The following RASAL2 variants were observed in gnomAD, a reference collection of about 807,000 sequenced individuals.
The protein encoded by RASAL2 is ras GTPase-activating protein nGAP.
Under a neutral mutation model 128.9 loss-of-function variants are expected in RASAL2, and 58 were observed. The ratio of observed to expected loss-of-function variants is 0.45; its 90% confidence interval spans 0.36 to 0.56. The LOEUF is 0.56. RASAL2 is among the 20% of genes least tolerant of loss of function. The pLI, the probability that RASAL2 is intolerant of heterozygous loss-of-function variation, is 0.00. For synonymous variants in RASAL2, 561 were observed against 580.8 expected, an observed-to-expected ratio of 0.97 and a Z score of 0.49; for missense variants, 1,360 against 1,601.6, an observed-to-expected ratio of 0.85 and a Z score of 2.57.
intron 3 of RASAL2, among the ~76,000 whole-genome samples, chr1:178,317,934 C>T (rs1250232059): frequency 1.3e-5 from 2 of 151,706 alleles, no homozygotes; most frequent in Non-Finnish European, 1.5e-5. Flanking sequence ...GCATTTATTG[C>T]TATAAATTTC....
rs536785721 is a variant in RASAL2 at position 178,181,698 on chromosome 1, G to C, written c.202+87004G>C. On this transcript the variant is annotated intron_variant, in intron 1 of 17. Transcript: ENST00000367649. ...TCTTGGCTGTGACAGTCTCTCAGGCGTTCTTTATTTTTTATGACCTTGACA... is the reference window on the plus strand; with the variant it reads ...TCTTGGCTGTGACAGTCTCTCAGGCCTTCTTTATTTTTTATGACCTTGACA... 9.2e-5 allele frequency among the ~76,000 whole-genome samples: 14 copies of C among 151,708 alleles called. 1 individual carries two copies. In the South Asian group the frequency reaches 2.7e-3, roughly 29 times the overall value.
At chr1:178,426,012 A>G (rs1675491862) in intron 5 of RASAL2, among the ~76,000 whole-genome samples, 1 of 152,286 alleles carries the variant, frequency 6.6e-6, no homozygotes, top group South Asian at 2.1e-4. Context: ...CTAGAAAGTC[A>G]GCAGCCAGAC....
chr1:178,404,743 G>A (rs1041723196), intron 4 of RASAL2, among the ~76,000 whole-genome samples: 3 of 144,222 alleles, frequency 2.1e-5, no homozygotes, highest in African/African-American at 7.8e-5. Context: ...GTACAGTGGC[G>A]CAACCTCAGC....
At chr1:178,260,686 A>G (rs1030212488) in intron 1 of RASAL2, among the ~76,000 whole-genome samples, 4 of 151,892 alleles carry the variant, frequency 2.6e-5, no homozygotes, top group African/African-American at 9.7e-5. Flanking sequence ...CTAAAATATC[A>G]AGAGTATTTT....
intron 3 of RASAL2, among the ~76,000 whole-genome samples, chr1:178,364,501 G>A (rs1671299128): frequency 6.6e-6 from 1 of 152,166 alleles, no homozygotes; most frequent in Admixed American, 6.5e-5. Flanking sequence ...GAGGTTAATA[G>A]CACCTCACGT....
chr1:178,444,233 C>T (rs1230299044), intron 8 of RASAL2, among the ~76,000 whole-genome samples: 2 of 152,156 alleles, frequency 1.3e-5, no homozygotes, highest in African/African-American at 2.4e-5. Context: ...TACTGATTTA[C>T]GTACATTTTA....
chr1:178,273,828 GTT>G (rs1181218417), intron 1 of RASAL2, among the ~76,000 whole-genome samples: 1 of 152,160 alleles, frequency 6.6e-6, no homozygotes, highest in Non-Finnish European at 1.5e-5. Context: ...TATTGTAGGT[GTT>G]TGTTTCCTAC....
chr1:178,110,637 C>CAT (rs1553250958), intron 1 of RASAL2, among the ~76,000 whole-genome samples: 294 of 15,648 alleles, frequency 0.019, 8 homozygotes, highest in African/African-American at 0.029. Flanking sequence ...ATAGTGTATA[C>CAT]ATATATATAT....
intron 1 of RASAL2, among the ~76,000 whole-genome samples, chr1:178,186,322 A>G (rs924789713): frequency 3.3e-5 from 5 of 151,812 alleles, no homozygotes; most frequent in African/African-American, 1.2e-4. Context: ...CTATTCAAAG[A>G]ACCAGCTTCT....
At chr1:178,434,961 C>T (rs1676159359) in intron 5 of RASAL2, among the ~76,000 whole-genome samples, 1 of 151,904 alleles carries the variant, frequency 6.6e-6, no homozygotes, top group South Asian at 2.1e-4. Context: ...TATAAACTTG[C>T]TGGTAGAGTA....
chr1:178,264,544 G>C lies in RASAL2; in HGVS notation c.203-19020G>C, dbSNP rs574432195. On this transcript the variant is annotated intron_variant, in intron 1 of 17. Transcript: ENST00000367649. The stretch of plus-strand genomic sequence containing the variant: ...GCTATAGTGGCTCTCAGAACTCAGG[G>C]AAACAGTATATAGTACTTACTATTA... Among the ~76,000 whole-genome samples, 249 of 152,230 alleles carry C rather than the reference G, an allele frequency of 1.6e-3. 2 individuals carry two copies. The highest frequency in any genetic ancestry group is 5.7e-3 in the African/African-American group (236 of 41,548).
intron 4 of RASAL2, among the ~76,000 whole-genome samples, chr1:178,398,709 C>CTTAAAAAATTTTCT (rs1557957715): frequency 6.6e-6 from 1 of 152,054 alleles, no homozygotes; most frequent in Non-Finnish European, 1.5e-5. Flanking sequence ...AAAAATTTTC[C>CTTAAAAAATTTTCT]CTTGAATTTC....
intron 1 of RASAL2, among the ~76,000 whole-genome samples, chr1:178,241,422 A>T (rs926297519): frequency 6.6e-6 from 1 of 152,146 alleles, no homozygotes; most frequent in Admixed American, 6.6e-5. Flanking sequence ...AGTTCACTTT[A>T]TGTGTGAGGA....
chr1:178,438,105 TGTG>T (rs1178309691), intron 5 of RASAL2, among the ~76,000 whole-genome samples: 1 of 48,262 alleles, frequency 2.1e-5, no homozygotes, highest in African/African-American at 6.3e-5. Flanking sequence ...TGGTGGCTTG[TGTG>T]TGTGTGTGTG....
intron 5 of RASAL2, among the ~76,000 whole-genome samples, chr1:178,431,460 A>G (rs1030604510): frequency 6.6e-6 from 1 of 152,088 alleles, no homozygotes; most frequent in African/African-American, 2.4e-5. Context: ...TGAAGATAGC[A>G]GGTAGAAACA....
At chr1:178,278,397 T>G (rs1666625013) in intron 1 of RASAL2, among the ~76,000 whole-genome samples, 1 of 152,192 alleles carries the variant, frequency 6.6e-6, no homozygotes, top group African/African-American at 2.4e-5. Context: ...TATTTGTGCC[T>G]ATAGCCTGAA....
chr1:178,172,934 C>A (rs1661752307), intron 1 of RASAL2, among the ~76,000 whole-genome samples: 1 of 152,070 alleles, frequency 6.6e-6, no homozygotes, highest in African/African-American at 2.4e-5. Context: ...AATTGCATTC[C>A]TAGAAATTCA....
At position 178,406,187 on chromosome 1, in the gene RASAL2, C is replaced by T. The variant is rs545740170; in HGVS notation, c.565-14324C>T. Among the ~76,000 whole-genome samples, 6 of 152,238 alleles carry T rather than the reference C, an allele frequency of 3.9e-5. No homozygotes were observed. The South Asian group carries it at 1.2e-3, about 32-fold the overall frequency. Reference sequence around the variant, plus strand: ...CAACTTTATTCTTAATATCCCAAAACTGGAAATAACTCGAACGTCCATGAG... The same window carrying T: ...CAACTTTATTCTTAATATCCCAAAATTGGAAATAACTCGAACGTCCATGAG... On this transcript the variant is annotated intron_variant, in intron 4 of 17. Coordinates refer to ENST00000367649, the MANE Select transcript of RASAL2 (RefSeq NM_170692.4).
At chr1:178,386,869 T>C (rs1672602146) in intron 3 of RASAL2, among the ~76,000 whole-genome samples, 1 of 152,192 alleles carries the variant, frequency 6.6e-6, no homozygotes, top group African/African-American at 2.4e-5. Context: ...GGAACTAGTG[T>C]AGATTTTCCT....
Sources: gnomAD v4.1 joint callset for allele counts (sites outside exome capture counted in the v4.1 genomes callset) on GRCh38, gnomAD v4.1.1 for gene constraint, MANE v1.5 for transcripts, NCBI Gene and HGNC (gene_info 2026-07-23, HGNC 2026-07-21) for gene names.